Variants in PCDHGA12 observed in about 807,000 individuals in gnomAD.
The protein encoded by PCDHGA12 is protocadherin gamma-A12.
Under a neutral mutation model 61.1 loss-of-function variants are expected in PCDHGA12, and 43 were observed. The observed-to-expected ratio is 0.70, with a 90% CI of 0.55 to 0.91. The LOEUF is 0.91. PCDHGA12 is among the 40% of genes least tolerant of loss of function. The pLI is 0.00. For missense variants in PCDHGA12, 1,236 were observed against 1,227.7 expected (o/e 1.01, Z -0.10); for synonymous variants, 520 against 542.9 (o/e 0.96, Z 0.59).
At chr5:141,472,980 C>CAAAAAA (rs60579131) in intron 1 of PCDHGA12, among the ~76,000 whole-genome samples, 7 of 86,100 alleles carry the variant, frequency 8.1e-5, no homozygotes, top group South Asian at 4.3e-4. Context: ...GAGTGAAACT[C>CAAAAAA]AAAAAAAAAA....
At chr5:141,439,215 G>A (rs1319217047) in intron 1 of PCDHGA12, among the ~76,000 whole-genome samples, 2 of 151,488 alleles carry the variant, frequency 1.3e-5, no homozygotes, top group African/African-American at 4.9e-5. Flanking sequence ...ATCCATATGT[G>A]AAAATTCTTA....
In PCDHGA12 at chr5:141,511,035, C is replaced by T. The variant is rs373005862; in HGVS notation, c.2661C>T (p.His887=). Residue 887 remains histidine (H), a synonymous_variant, in exon 4 of 4, where the codon CAC becomes CAT. Transcript: ENST00000252085. ...ACGGACCCCAGTTCACCCTGCAGCA[C>T]GTGCCCGACTACCGCCAGAATGTCT... ...ARYGPQFTLQ[H]VPDYRQNVYI... The T allele has an allele frequency of 1.7e-5, 27 of 1,614,208 alleles. No individual in the cohort carries two copies. The African/African-American group carries it at 2.9e-4, about 18-fold the overall frequency.
intron 1 of PCDHGA12, among the ~76,000 whole-genome samples, chr5:141,458,909 T>G (rs548847649): frequency 6.6e-6 from 1 of 152,192 alleles, no homozygotes; most frequent in African/African-American, 2.4e-5. Context: ...TTTTTTCTAT[T>G]TTTTGTGGAG....
At chr5:141,462,152 G>C (rs1336635196) in intron 1 of PCDHGA12, among the ~76,000 whole-genome samples, 6 of 152,034 alleles carry the variant, frequency 3.9e-5, no homozygotes, top group African/African-American at 7.2e-5. Flanking sequence ...TAGAGATGGG[G>C]TTTCATCATG....
At chr5:141,451,762 T>C (rs2154563695) in intron 1 of PCDHGA12, among the ~76,000 whole-genome samples, 1 of 152,100 alleles carries the variant, frequency 6.6e-6, no homozygotes, top group African/African-American at 2.4e-5. Flanking sequence ...ATGCCTATAG[T>C]CCCAGCTACT....
At position 141,485,326 on chromosome 5, in the gene PCDHGA12, T is replaced by C. The variant is rs2154580391; in HGVS notation, c.2425-9481T>C. On this transcript the variant is annotated intron_variant, in intron 1 of 3. Coordinates refer to ENST00000252085, the MANE Select transcript of PCDHGA12 (RefSeq NM_003735.3). This position sits in a 1 kb window ranked among gnomAD's most constrained non-coding sequence, Gnocchi z 5.7. ...CTTTTGTAGGGAATGTCGCTCAAGATTTCCTGCTGGATACGGACAGTCTGT... is the reference window on the plus strand; with the variant it reads ...CTTTTGTAGGGAATGTCGCTCAAGACTTCCTGCTGGATACGGACAGTCTGT... 1 of 1,614,106 alleles carries C rather than the reference T, an allele frequency of 6.2e-7. No homozygotes were observed. The highest frequency in any genetic ancestry group is 1.7e-5 in the Admixed American group (1 of 60,028).
chr5:141,438,347 C>T (rs150878327), intron 1 of PCDHGA12, among the ~76,000 whole-genome samples: 7 of 151,730 alleles, frequency 4.6e-5, no homozygotes, highest in Non-Finnish European at 2.9e-5. Flanking sequence ...TAAGGATCTA[C>T]TCTGTGTATT....
At chr5:141,499,461 A>G (rs1448103747) in intron 2 of PCDHGA12, among the ~76,000 whole-genome samples, 2 of 152,226 alleles carry the variant, frequency 1.3e-5, no homozygotes. Flanking sequence ...TCATTTTACA[A>G]TCTAGGGAGA....
chr5:141,501,314 C>G, intron 2 of PCDHGA12, among the ~76,000 whole-genome samples: 1 of 151,728 alleles, frequency 6.6e-6, no homozygotes, highest in Non-Finnish European at 1.5e-5. Flanking sequence ...CACACACACA[C>G]ACACACACAC....
In PCDHGA12 at chr5:141,486,157, AG is replaced by A. The variant is rs1562110605; in HGVS notation, c.2425-8649del. 1 of 1,614,208 alleles carries A rather than the reference AG, an allele frequency of 6.2e-7. No homozygotes were observed. Among genetic ancestry groups the A allele is most frequent in the Admixed American group, 1.7e-5 (1 of 60,026 alleles). On this transcript the variant is annotated intron_variant, in intron 1 of 3. Coordinates refer to ENST00000252085, the MANE Select transcript of PCDHGA12 (RefSeq NM_003735.3). This position sits in a 1 kb window ranked among gnomAD's most constrained non-coding sequence, Gnocchi z 5.0. ...TGCGGGCTCGCGATGGGGGTTCTCC[AG>A]CCATGGAGCAACATTGCAGCCTTCG...
chr5:141,460,909 G>GGT (rs548378036), intron 1 of PCDHGA12, among the ~76,000 whole-genome samples: 1,853 of 123,260 alleles, frequency 0.015, 18 homozygotes, highest in Non-Finnish European at 0.019. Context: ...AATATTCCAT[G>GGT]GTGTATATAT....
At position 141,491,744 on chromosome 5, in the gene PCDHGA12, C is replaced by T; in HGVS notation, c.2425-3063C>T. 6.3e-7 allele frequency: 1 copy of T among 1,592,720 alleles called. No individual in the cohort carries two copies. Among genetic ancestry groups the T allele is most frequent in the African/African-American group, 1.3e-5 (1 of 74,122 alleles). Reference sequence around the variant, plus strand: ...CCCCGGGCGACCCCTGGGGGCGGCACTGGAGAAGCCGCCCGTCCTCATAAG... The same window carrying T: ...CCCCGGGCGACCCCTGGGGGCGGCATTGGAGAAGCCGCCCGTCCTCATAAG... On this transcript the variant is annotated intron_variant, in intron 1 of 3. Transcript: ENST00000252085. The surrounding 1 kb of genome is among the most constrained non-coding windows in gnomAD (Gnocchi z 6.9).
chr5:141,497,240 GA>G (rs1221446648), intron 2 of PCDHGA12, among the ~76,000 whole-genome samples: 125 of 152,188 alleles, frequency 8.2e-4, no homozygotes, highest in African/African-American at 3.0e-3. Flanking sequence ...AGGCTTCTAG[GA>G]GGAGGTGACA....
intron 1 of PCDHGA12, among the ~76,000 whole-genome samples, chr5:141,480,299 C>T: frequency 7.5e-6 from 1 of 132,466 alleles, no homozygotes; most frequent in Non-Finnish European, 1.6e-5. Flanking sequence ...CCTGTGGTAC[C>T]AGCTACTTGG....
chr5:141,439,568 A>G (rs2098121048), intron 1 of PCDHGA12, among the ~76,000 whole-genome samples: 1 of 152,208 alleles, frequency 6.6e-6, no homozygotes, highest in Non-Finnish European at 1.5e-5. Context: ...GTTCTAGAGT[A>G]GGGACTCAGA....
chr5:141,473,245 C>T (rs2099317733), intron 1 of PCDHGA12, among the ~76,000 whole-genome samples: 1 of 152,134 alleles, frequency 6.6e-6, no homozygotes, highest in African/African-American at 2.4e-5. Context: ...CAAGTGAATA[C>T]ATATATAGTC....
intron 1 of PCDHGA12, among the ~76,000 whole-genome samples, chr5:141,460,758 C>T (rs1292050905): frequency 6.6e-6 from 1 of 150,582 alleles, no homozygotes; most frequent in African/African-American, 2.4e-5. Context: ...TGTACATATA[C>T]ATATTGCATA....
chr5:141,436,659 G>A (rs771567212), intron 1 of PCDHGA12, among the ~76,000 whole-genome samples: 3 of 152,136 alleles, frequency 2.0e-5, no homozygotes, highest in Non-Finnish European at 2.9e-5. Flanking sequence ...GCCATTTTTA[G>A]TGGTTGACCA....
chr5:141,472,218 G>A (rs1206861601), intron 1 of PCDHGA12, among the ~76,000 whole-genome samples: 3 of 152,054 alleles, frequency 2.0e-5, no homozygotes, highest in Admixed American at 2.0e-4. Flanking sequence ...CCTTACTCTC[G>A]ATCATATAAT....
Sources: gnomAD v4.1 joint callset for allele counts (sites outside exome capture counted in the v4.1 genomes callset) on GRCh38, gnomAD v4.1.1 for gene constraint, Gnocchi (gnomAD v3.1) non-coding constraint, MANE v1.5 for transcripts, NCBI Gene and HGNC (gene_info 2026-07-23, HGNC 2026-07-21) for gene names.